SRBD1: variants seen among roughly 807,000 people sequenced by gnomAD.
SRBD1 encodes S1 RNA-binding domain-containing protein 1.
In SRBD1, 88 loss-of-function variants were observed where a neutral mutation model predicts 115.3. The ratio of observed to expected loss-of-function variants is 0.76; its 90% CI spans 0.64 to 0.91. The LOEUF (loss-of-function observed/expected upper bound fraction) is 0.91. Ranked by LOEUF, SRBD1 falls within the 40% of genes least tolerant of loss-of-function variation. SRBD1 has a pLI of 0.00. For synonymous variants in SRBD1, 509 were observed against 407.7 expected (o/e 1.25, Z -2.99); for missense variants, 1,385 against 1,177.4 (o/e 1.18, Z -2.58).
intron 15 of SRBD1, among the ~76,000 whole-genome samples, chr2:45,479,443 A>G (rs760180051): frequency 3.9e-5 from 6 of 152,184 alleles, no homozygotes; most frequent in Non-Finnish European, 7.3e-5. Flanking sequence ...CACACAAATG[A>G]TAAGAAAGCA....
intron 14 of SRBD1, among the ~76,000 whole-genome samples, chr2:45,541,288 A>G (rs1257430752): frequency 6.6e-6 from 1 of 152,246 alleles, no homozygotes; most frequent in African/African-American, 2.4e-5. Context: ...GCCAGGAACC[A>G]GAGAGTCCCA....
chr2:45,396,202 C>A (rs555640097), intron 19 of SRBD1, among the ~76,000 whole-genome samples: 2 of 151,970 alleles, frequency 1.3e-5, no homozygotes, highest in East Asian at 3.9e-4. Flanking sequence ...GAGTTTTATG[C>A]CACACACAAT....
chr2:45,436,844 A>G (rs1213371153), intron 16 of SRBD1, among the ~76,000 whole-genome samples: 1 of 152,218 alleles, frequency 6.6e-6, no homozygotes, highest in African/African-American at 2.4e-5. Context: ...TTGTTCACAG[A>G]TAATATGATC....
At chr2:45,534,941 G>C (rs58470570) in intron 14 of SRBD1, among the ~76,000 whole-genome samples, 1,980 of 151,838 alleles carry the variant, frequency 0.013, 36 homozygotes, top group African/African-American at 0.038. Flanking sequence ...AAAGAAACCC[G>C]AGAAATCATC....
At chr2:45,430,571 T>TG (rs1366323788) in intron 16 of SRBD1, among the ~76,000 whole-genome samples, 1 of 152,156 alleles carries the variant, frequency 6.6e-6, no homozygotes, top group Non-Finnish European at 1.5e-5. Context: ...TAAATGGTGT[T>TG]GGGAAAACTG....
chr2:45,566,007 T>C (rs1472824580), intron 9 of SRBD1, among the ~76,000 whole-genome samples: 1 of 152,194 alleles, frequency 6.6e-6, no homozygotes, highest in East Asian at 1.9e-4. Flanking sequence ...AGTACATGAA[T>C]AGATGCTCAG....
Position 45,573,340 on chromosome 2 carries a change from C to A in SRBD1, c.1172G>T (p.Cys391Phe). The A allele has an allele frequency of 6.2e-7, 1 of 1,606,810 alleles. No individual in the cohort carries two copies. Among genetic ancestry groups the A allele is most frequent in the Non-Finnish European group, 8.5e-7 (1 of 1,177,746 alleles). ...KDTLDFIRNL[C>F]QKRHVCIQSS... ...CTGGATACAAACATGTCTCTTCTGG[C>A]ACCTGTTCAGATACACAAGTGTTCA... The change falls in exon 9 of 21, where the codon TGC (cysteine) becomes TTC (phenylalanine). Residue 391 changes from cysteine (C) to phenylalanine (F), a missense_variant and splice_region_variant. Coordinates refer to ENST00000263736, the MANE Select transcript of SRBD1 (RefSeq NM_018079.5).
At chr2:45,541,332 C>G (rs965893469) in intron 14 of SRBD1, among the ~76,000 whole-genome samples, 3 of 152,254 alleles carry the variant, frequency 2.0e-5, no homozygotes, top group Non-Finnish European at 4.4e-5. Context: ...TAGGGAGCAC[C>G]TAGGTCTGGG....
At chr2:45,509,940 G>C (rs59842205) in intron 14 of SRBD1, among the ~76,000 whole-genome samples, 14,338 of 152,130 alleles carry the variant, frequency 0.094, 1,001 homozygotes, top group African/African-American at 0.19. Context: ...TCACTACGTT[G>C]CCCAGGCTGG....
At chr2:45,570,490 CGTT>C (rs1187372248) in intron 9 of SRBD1, among the ~76,000 whole-genome samples, 3 of 152,134 alleles carry the variant, frequency 2.0e-5, no homozygotes, top group East Asian at 3.9e-4. Flanking sequence ...ATTTTAAAGA[CGTT>C]GTTAGGAGTG....
At chr2:45,392,861 T>G in intron 20 of SRBD1, 84 bp downstream of exon 20, 1 of 1,234,746 alleles carries the variant, frequency 8.1e-7, no homozygotes, top group Non-Finnish European at 1.1e-6. Context: ...ATTCTGCTTA[T>G]GGCATAGGAT....
At chr2:45,395,655 T>C (rs889917186) in intron 19 of SRBD1, among the ~76,000 whole-genome samples, 1 of 152,174 alleles carries the variant, frequency 6.6e-6, no homozygotes, top group Non-Finnish European at 1.5e-5. Flanking sequence ...TTGAAAACTT[T>C]CTTAAAGTTA....
chr2:45,453,312 G>C (rs900398868), intron 16 of SRBD1, among the ~76,000 whole-genome samples: 1 of 149,318 alleles, frequency 6.7e-6, no homozygotes, highest in African/African-American at 2.5e-5. Context: ...AGGAAAGAAA[G>C]ACTCCACTAG....
rs754056146 is a variant in SRBD1, at chr2:45,605,414, C to CT, written c.27dup (p.Val10SerfsTer11). The CT allele has an allele frequency of 6.2e-7, 1 of 1,613,750 alleles. No homozygotes were observed. The highest frequency in any genetic ancestry group is 8.5e-7 in the Non-Finnish European group (1 of 1,179,978). ...TTCAGTACCACATCCTGGACCTGTACTTTCGCTCTTCTTGGCAATGATGAC... is the reference window on the plus strand; with the variant it reads ...TTCAGTACCACATCCTGGACCTGTACTTTTCGCTCTTCTTGGCAATGATGAC... On this transcript the variant is annotated frameshift_variant, in exon 2 of 21. Transcript: ENST00000263736. LOFTEE classifies it high-confidence loss of function.
At chr2:45,400,572 A>C (rs1182201335) in intron 19 of SRBD1, among the ~76,000 whole-genome samples, 4 of 152,020 alleles carry the variant, frequency 2.6e-5, no homozygotes, top group Non-Finnish European at 2.9e-5. Flanking sequence ...TCACATGAAA[A>C]AACAACTTTT....
chr2:45,566,820 C>G (rs1403184822), intron 9 of SRBD1, among the ~76,000 whole-genome samples: 1 of 152,022 alleles, frequency 6.6e-6, no homozygotes, highest in Non-Finnish European at 1.5e-5. Flanking sequence ...TAGTCTGTAA[C>G]TATATATTTA....
chr2:45,492,766 G>A (rs1272606182), intron 14 of SRBD1, among the ~76,000 whole-genome samples: 2 of 151,940 alleles, frequency 1.3e-5, no homozygotes, highest in Non-Finnish European at 2.9e-5. Flanking sequence ...TAAATTACTG[G>A]GCTAACAGTT....
At chr2:45,414,750 ACACACACAGTGTGTATATAGTATG>A (rs1667738311) in intron 18 of SRBD1, among the ~76,000 whole-genome samples, 7 of 129,712 alleles carry the variant, frequency 5.4e-5, no homozygotes, top group Non-Finnish European at 3.3e-5. Context: ...TAGTATGTAC[ACACACACAGTGTGTATATAGTATG>A]TACACACACA....
chr2:45,583,581 C>A (rs988144791), intron 5 of SRBD1, among the ~76,000 whole-genome samples: 1 of 152,064 alleles, frequency 6.6e-6, no homozygotes, highest in Non-Finnish European at 1.5e-5. Context: ...ACAATATTTG[C>A]CTTTACCACA....
Sources: gnomAD v4.1 joint callset for allele counts (sites outside exome capture counted in the v4.1 genomes callset) on GRCh38, gnomAD v4.1.1 for gene constraint, MANE v1.5 for transcripts, NCBI Gene and HGNC (gene_info 2026-07-23, HGNC 2026-07-21) for gene names.